PLD5: variants seen among roughly 807,000 people sequenced by gnomAD.
PLD5 encodes phospholipase D family member 5.
In PLD5, 36 loss-of-function variants were observed where a neutral mutation model predicts 61.1. The ratio of observed to expected loss-of-function variants is 0.59; its 90% CI spans 0.45 to 0.78. The LOEUF (loss-of-function observed/expected upper bound fraction) is 0.78. PLD5 is among the 30% of genes least tolerant of loss of function. PLD5 has a pLI of 0.00. For missense variants in PLD5, 515 were observed against 644.4 expected (o/e 0.80, Z 2.17); for synonymous variants, 243 against 242.8 (o/e 1.00, Z -0.01).
At chr1:242,163,153 T>A (rs1665990020) in intron 5 of PLD5, among the ~76,000 whole-genome samples, 1 of 150,302 alleles carries the variant, frequency 6.7e-6, no homozygotes, top group Admixed American at 6.6e-5. Context: ...TTTTCTTTCT[T>A]TTCTTGAGAC....
intron 1 of PLD5, among the ~76,000 whole-genome samples, chr1:242,440,601 G>A (rs1017098325): frequency 1.3e-5 from 2 of 152,212 alleles, no homozygotes; most frequent in African/African-American, 4.8e-5. Context: ...ATTGTATAGA[G>A]TGTCCTTGCC....
At chr1:242,395,857 G>T (rs1412893319) in intron 1 of PLD5, among the ~76,000 whole-genome samples, 1 of 152,148 alleles carries the variant, frequency 6.6e-6, no homozygotes, top group Non-Finnish European at 1.5e-5. Flanking sequence ...AGACCAGCTT[G>T]GCCAAGATGG....
At chr1:242,480,382 C>T (rs78411573) in intron 1 of PLD5, among the ~76,000 whole-genome samples, 78 of 152,156 alleles carry the variant, frequency 5.1e-4, no homozygotes, top group African/African-American at 1.6e-3. Flanking sequence ...AGACTTCAAT[C>T]GAAGAGCTAA....
intron 2 of PLD5, among the ~76,000 whole-genome samples, chr1:242,303,507 C>T (rs915169831): frequency 1.1e-4 from 16 of 152,284 alleles, no homozygotes; most frequent in Middle Eastern, 3.4e-3. Flanking sequence ...TTATGACATC[C>T]GAGTTTGCCT....
At chr1:242,430,627 A>T (rs1015923502) in intron 1 of PLD5, among the ~76,000 whole-genome samples, 2 of 151,970 alleles carry the variant, frequency 1.3e-5, no homozygotes, top group African/African-American at 4.8e-5. Flanking sequence ...TGGTTTCCCT[A>T]TGTTGGCTAT....
At chr1:242,470,126 G>A (rs867657061) in intron 1 of PLD5, among the ~76,000 whole-genome samples, 1 of 152,072 alleles carries the variant, frequency 6.6e-6, no homozygotes, top group African/African-American at 2.4e-5. Flanking sequence ...CGGATCACGA[G>A]GTCAGGAGAT....
At chr1:242,471,632 A>G (rs965306314) in intron 1 of PLD5, among the ~76,000 whole-genome samples, 1 of 152,182 alleles carries the variant, frequency 6.6e-6, no homozygotes, top group Non-Finnish European at 1.5e-5. Flanking sequence ...AGGACATATA[A>G]AAAGAGAAAA....
chr1:242,332,875 C>T (rs1170725982), intron 2 of PLD5, among the ~76,000 whole-genome samples: 1 of 152,230 alleles, frequency 6.6e-6, no homozygotes, highest in South Asian at 2.1e-4. Context: ...TCGTAGATAC[C>T]AAGTACTATA....
At chr1:242,328,350 T>C (rs1351254385) in intron 2 of PLD5, among the ~76,000 whole-genome samples, 3 of 151,886 alleles carry the variant, frequency 2.0e-5, no homozygotes, top group Non-Finnish European at 2.9e-5. Flanking sequence ...GTGTTCTACA[T>C]GTGTGTTCTA....
At chr1:242,092,523 CTGATCTAAGCTCCCAG>C (rs1465165665) in intron 9 of PLD5, among the ~76,000 whole-genome samples, 3 of 152,190 alleles carry the variant, frequency 2.0e-5, no homozygotes, top group African/African-American at 7.2e-5. Context: ...TAGGCCAGGT[CTGATCTAAGCTCCCAG>C]TTTTGTTATC....
At chr1:242,371,905 T>C (rs1478956213) in intron 1 of PLD5, among the ~76,000 whole-genome samples, 6 of 152,118 alleles carry the variant, frequency 3.9e-5, no homozygotes, top group African/African-American at 1.2e-4. Context: ...CTGGGGTACA[T>C]GTGCAGAACG....
intron 5 of PLD5, among the ~76,000 whole-genome samples, chr1:242,210,063 G>A (rs1669702787): frequency 6.6e-6 from 1 of 152,158 alleles, no homozygotes; most frequent in Admixed American, 6.5e-5. Context: ...CCAAAGTCCT[G>A]GGATTACTGG....
chr1:242,325,942 C>T (rs562852787), intron 2 of PLD5, among the ~76,000 whole-genome samples: 2 of 152,318 alleles, frequency 1.3e-5, no homozygotes, highest in African/African-American at 4.8e-5. Flanking sequence ...GCCTGTAGTG[C>T]AGTGGTGCCA....
chr1:242,306,251 C>T (rs1463320911), intron 2 of PLD5, among the ~76,000 whole-genome samples: 6 of 29,458 alleles, frequency 2.0e-4, no homozygotes. Flanking sequence ...CAGTCATCAG[C>T]TTGGCAGGTA....
intron 4 of PLD5, among the ~76,000 whole-genome samples, chr1:242,248,350 A>C (rs957455933): frequency 2.3e-4 from 35 of 152,094 alleles, no homozygotes; most frequent in Non-Finnish European, 4.3e-4. Flanking sequence ...ACTATAACCC[A>C]CATCCTATAG....
At chr1:242,451,162 T>G (rs1666762370) in intron 1 of PLD5, among the ~76,000 whole-genome samples, 1 of 152,154 alleles carries the variant, frequency 6.6e-6, no homozygotes, top group Non-Finnish European at 1.5e-5. Context: ...TCCATTAGCC[T>G]TATATCTGTG....
At chr1:242,432,352 G>A (rs1283815390) in intron 1 of PLD5, among the ~76,000 whole-genome samples, 3 of 152,166 alleles carry the variant, frequency 2.0e-5, no homozygotes, top group Non-Finnish European at 1.5e-5. Context: ...GGAAATCAAA[G>A]GAGAAAACGA....
At chr1:242,477,227 G>A (rs548633438) in intron 1 of PLD5, among the ~76,000 whole-genome samples, 1 of 152,092 alleles carries the variant, frequency 6.6e-6, no homozygotes, top group East Asian at 1.9e-4. Flanking sequence ...TCCAGCCTGG[G>A]TGACAAGAGC....
At chr1:242,303,410 G>A (rs1352602438) in intron 2 of PLD5, among the ~76,000 whole-genome samples, 1 of 152,190 alleles carries the variant, frequency 6.6e-6, no homozygotes, top group Non-Finnish European at 1.5e-5. Flanking sequence ...TTCTAATTAA[G>A]CCAGACTTAT....
Sources: gnomAD v4.1 joint callset for allele counts (sites outside exome capture counted in the v4.1 genomes callset) on GRCh38, gnomAD v4.1.1 for gene constraint, MANE v1.5 for transcripts, NCBI Gene and HGNC (gene_info 2026-07-23, HGNC 2026-07-21) for gene names.